DNTT: variants seen among roughly 807,000 people sequenced by gnomAD.
DNTT encodes nucleosidetriphosphate:DNA deoxynucleotidylexotransferase.
DNTT carries 47 observed loss-of-function variants against 60.9 expected under a neutral mutation model. That is an observed-to-expected ratio of 0.77 (90% confidence interval 0.61 to 0.98). DNTT has a LOEUF of 0.98. Among genes scored for constraint, DNTT ranks in the 50% least tolerant of loss-of-function variants. The probability of loss-of-function intolerance (pLI) is 0.00; values close to 1 mark genes in which losing one functional copy is unlikely to be tolerated. For missense variants in DNTT, 665 were observed against 627.5 expected, an observed-to-expected ratio of 1.06 and a Z score of -0.64; for synonymous variants, 224 against 221.2, an observed-to-expected ratio of 1.01 and a Z score of -0.11.
At chr10:96,328,892 A>G (rs1844972090) in intron 8 of DNTT, 62 bp downstream of exon 8, 2 of 1,501,906 alleles carry the variant, frequency 1.3e-6, no homozygotes, top group African/African-American at 1.4e-5. Context: ...TGAATTTTGC[A>G]CATTACTTGC....
At chr10:96,327,634 C>G (rs754247409) in intron 7 of DNTT, 34 bp downstream of exon 7, 12 of 1,592,108 alleles carry the variant, frequency 7.5e-6, no homozygotes, top group Admixed American at 1.7e-5. Flanking sequence ...CTCCTCTGCC[C>G]GAATACTTCA....
chr10:96,316,897 C>T (rs1306652113), intron 1 of DNTT, among the ~76,000 whole-genome samples: 4 of 152,118 alleles, frequency 2.6e-5, no homozygotes, highest in South Asian at 2.1e-4. Flanking sequence ...CTACCATCAC[C>T]GCCACCACTA....
intron 10 of DNTT, among the ~76,000 whole-genome samples, chr10:96,337,431 G>T (rs775839305): frequency 6.6e-6 from 1 of 152,268 alleles, no homozygotes; most frequent in Non-Finnish European, 1.5e-5. Context: ...GCTCACAGAA[G>T]AGGGGGCTGT....
At chr10:96,314,358 A>G (rs988352601) in intron 1 of DNTT, among the ~76,000 whole-genome samples, 2 of 122,944 alleles carry the variant, frequency 1.6e-5, no homozygotes, top group Non-Finnish European at 3.4e-5. Flanking sequence ...CCTACTAATT[A>G]TTCGCTGGGT....
intron 6 of DNTT, among the ~76,000 whole-genome samples, 199 bp downstream of exon 6, chr10:96,324,588 T>C (rs569199527): frequency 6.6e-6 from 1 of 152,350 alleles, no homozygotes; most frequent in East Asian, 1.9e-4. Flanking sequence ...CTTTGAACCT[T>C]AGTTACCTAA....
rs79785084 is a variant in DNTT at position 96,322,953 on chromosome 10, C to T, written c.750+225C>T. ...CTTCTTCCTGTGTCCTCACATGCTC[C>T]CCTGCTCACATGGTGAGAGAGAGAC... On this transcript the variant is annotated intron_variant, in intron 5 of 10. Transcript: ENST00000371174. Among the ~76,000 whole-genome samples, 1,508 of 152,256 alleles carry T rather than the reference C, an allele frequency of 9.9e-3. 10 individuals carry two copies. Among genetic ancestry groups the T allele is most frequent in the Non-Finnish European group, 0.015 (1,033 of 67,996 alleles).
At chr10:96,310,242 T>G (rs1275028288) in intron 1 of DNTT, among the ~76,000 whole-genome samples, 40 of 152,246 alleles carry the variant, frequency 2.6e-4, no homozygotes, top group Admixed American at 2.6e-3. Context: ...GCCATCATTA[T>G]GACTGAATAT....
intron 8 of DNTT, 133 bp downstream of exon 8, chr10:96,328,963 G>A (rs1265846642): frequency 3.4e-6 from 3 of 875,776 alleles, no homozygotes; most frequent in Non-Finnish European, 5.2e-6. Context: ...CTTATACAAA[G>A]CCATATGACC....
intron 1 of DNTT, among the ~76,000 whole-genome samples, chr10:96,307,509 C>T (rs928649510): frequency 1.9e-4 from 29 of 150,668 alleles, no homozygotes; most frequent in Middle Eastern, 3.4e-3. Context: ...CACGCGTCAG[C>T]ACGCCCAGAT....
chr10:96,322,521 C>T (rs191021810), intron 4 of DNTT, 136 bp from the exon 5 acceptor site: 12 of 524,184 alleles, frequency 2.3e-5, no homozygotes, highest in Middle Eastern at 7.2e-4. Flanking sequence ...TTCTCCAGAT[C>T]AATTAGGGAA....
At chr10:96,330,120 G>A (rs916752783) in intron 8 of DNTT, among the ~76,000 whole-genome samples, 5 of 152,210 alleles carry the variant, frequency 3.3e-5, no homozygotes, top group African/African-American at 9.6e-5. Context: ...TCTAGAGGTG[G>A]CATCAGGGGT....
chr10:96,321,398 T>G (rs1267841188), intron 4 of DNTT, among the ~76,000 whole-genome samples: 1 of 152,094 alleles, frequency 6.6e-6, no homozygotes, highest in African/African-American at 2.4e-5. Flanking sequence ...GTGCCCTCCT[T>G]GTGCTTGGGA....
chr10:96,337,064 A>G (rs956390564), intron 10 of DNTT, among the ~76,000 whole-genome samples: 28 of 152,350 alleles, frequency 1.8e-4, no homozygotes, highest in African/African-American at 6.7e-4. Flanking sequence ...GGCATAAACA[A>G]AAAAGGGAAC....
intron 9 of DNTT, among the ~76,000 whole-genome samples, chr10:96,334,975 C>A (rs145396213): frequency 6.6e-6 from 1 of 152,336 alleles, no homozygotes; most frequent in African/African-American, 2.4e-5. Flanking sequence ...GAGCACTAAG[C>A]TCTTTTGCTT....
intron 8 of DNTT, among the ~76,000 whole-genome samples, chr10:96,331,663 C>G (rs1564874822): frequency 6.6e-6 from 1 of 152,190 alleles, no homozygotes; most frequent in African/African-American, 2.4e-5. Flanking sequence ...CATTAGGCCC[C>G]ACCTCCAACA....
chr10:96,308,485 T>C (rs547204942), intron 1 of DNTT, among the ~76,000 whole-genome samples: 14 of 152,202 alleles, frequency 9.2e-5, no homozygotes, highest in Non-Finnish European at 1.3e-4. Context: ...TGGAGAAGGA[T>C]CAGAACCTAC....
chr10:96,319,432 T>C (rs972287421), intron 3 of DNTT, 42 bp downstream of exon 3: 1 of 1,601,666 alleles, frequency 6.2e-7, no homozygotes, highest in Non-Finnish European at 8.5e-7. Context: ...AACGAAGGGC[T>C]TGCAGCTTCT....
chr10:96,324,700 A>T (rs534055000), intron 6 of DNTT, among the ~76,000 whole-genome samples: 1 of 152,228 alleles, frequency 6.6e-6, no homozygotes, highest in African/African-American at 2.4e-5. Flanking sequence ...GGCGCCCTCC[A>T]CTGTGGCTGT....
chr10:96,318,107 C>T (rs111286322), intron 1 of DNTT, among the ~76,000 whole-genome samples: 34 of 152,282 alleles, frequency 2.2e-4, no homozygotes, highest in African/African-American at 7.0e-4. Context: ...TTTCCATCAA[C>T]GCCTCAGTCC....
Sources: allele counts gnomAD v4.1 joint callset (sites outside exome capture counted in the v4.1 genomes callset), GRCh38; gene constraint gnomAD v4.1.1; transcripts MANE v1.5; gene names NCBI Gene and HGNC (gene_info 2026-07-23, HGNC 2026-07-21).